ITIH2: variants seen among roughly 807,000 people sequenced by gnomAD.
ITIH2 encodes the protein inter-alpha-trypsin inhibitor heavy chain 2.
In ITIH2, 103 loss-of-function variants were observed where a neutral mutation model predicts 104.4. That is an observed-to-expected ratio of 0.99 (90% CI 0.84 to 1.16). The LOEUF is 1.16. Ranked by LOEUF, ITIH2 falls within the 50% of genes most tolerant of loss-of-function variation. The pLI, the probability that ITIH2 is intolerant of heterozygous loss-of-function variation, is 0.00. For missense variants in ITIH2, 1,108 were observed against 1,162.4 expected (o/e 0.95, Z 0.68); for synonymous variants, 436 against 435.4 (o/e 1.00, Z -0.02).
chr10:7,740,702 A>G lies in ITIH2; in HGVS notation c.2095+1944A>G, dbSNP rs1210844320. On this transcript the variant is annotated intron_variant, in intron 16 of 20. Coordinates refer to ENST00000358415, the MANE Select transcript of ITIH2 (RefSeq NM_002216.3). ...GGACTTCAAAGTTAGACAGTCCTGG[A>G]GACACATCTGCCCCATGACCTTGTC... Among the ~76,000 whole-genome samples the G allele has an allele frequency of 3.3e-5, 5 of 152,316 alleles. No individual in the cohort carries two copies. The East Asian group carries it at 9.6e-4, about 29-fold the overall frequency.
intron 4 of ITIH2, among the ~76,000 whole-genome samples, chr10:7,712,976 C>T (rs1176858890): frequency 6.6e-6 from 1 of 152,092 alleles, no homozygotes; most frequent in Non-Finnish European, 1.5e-5. Flanking sequence ...AAAAATTAGC[C>T]TGGCCTGGTG....
chr10:7,704,624 T>C (rs1260595058), intron 1 of ITIH2, among the ~76,000 whole-genome samples: 1 of 152,152 alleles, frequency 6.6e-6, no homozygotes, highest in Non-Finnish European at 1.5e-5. Context: ...GTCCAACAAA[T>C]GCGAAGGTGT....
intron 16 of ITIH2, among the ~76,000 whole-genome samples, chr10:7,742,691 C>G (rs1406987133): frequency 6.6e-6 from 1 of 152,138 alleles, no homozygotes; most frequent in Non-Finnish European, 1.5e-5. Flanking sequence ...CTGCAGTGAG[C>G]CATGATTGCA....
chr10:7,725,297 C>A (rs1172620825), intron 9 of ITIH2, among the ~76,000 whole-genome samples: 1 of 152,096 alleles, frequency 6.6e-6, no homozygotes, highest in Non-Finnish European at 1.5e-5. Flanking sequence ...TCTGAGGAGA[C>A]CCTGAGAAGG....
chr10:7,724,283 C>T (rs1834932163), intron 9 of ITIH2, among the ~76,000 whole-genome samples: 2 of 152,068 alleles, frequency 1.3e-5, no homozygotes, highest in South Asian at 4.2e-4. Flanking sequence ...AAAAGAAGTC[C>T]CTGTCAGCCA....
chr10:7,705,326 T>G, intron 2 of ITIH2, 144 bp downstream of exon 2: 1 of 661,196 alleles, frequency 1.5e-6, no homozygotes, highest in East Asian at 2.6e-5. Flanking sequence ...TACACCTTGG[T>G]GGAAGAGATC....
chr10:7,727,768 C>A lies in ITIH2; in HGVS notation c.1219C>A (p.Leu407Met), dbSNP rs776731372. The A allele has an allele frequency of 6.2e-7, 1 of 1,614,106 alleles. No homozygotes were observed. Among genetic ancestry groups the A allele is most frequent in the African/African-American group, 1.3e-5 (1 of 75,068 alleles). ...TTTGAATGAAGCCAATAACTTGGGA[C>A]TGTTAGACCCCAACTCCGTCTCGCT... ...FILNEANNLG[L>M]LDPNSVSLII... The change falls in exon 11 of 21, where the codon CTG becomes ATG. Residue 407 changes from leucine to methionine, a missense_variant. Physicochemically the swap from Leu to Met is conservative, Grantham distance 15. Coordinates refer to ENST00000358415, the MANE Select transcript of ITIH2 (RefSeq NM_002216.3).
chr10:7,738,342 G>A (rs1400969461), intron 15 of ITIH2, among the ~76,000 whole-genome samples: 3 of 139,524 alleles, frequency 2.2e-5, no homozygotes, highest in East Asian at 2.0e-4. Flanking sequence ...TTCGCTCCCC[G>A]GCCTGCACTG....
chr10:7,732,298 T>G, intron 13 of ITIH2, 40 bp from the exon 14 acceptor site: 1 of 1,591,398 alleles, frequency 6.3e-7, no homozygotes, highest in Non-Finnish European at 8.6e-7. Context: ...ACTATAATTC[T>G]GTTACCCAGT....
chr10:7,704,148 CTG>C (rs1277629094), intron 1 of ITIH2, among the ~76,000 whole-genome samples: 2 of 152,216 alleles, frequency 1.3e-5, no homozygotes, highest in East Asian at 1.9e-4. Context: ...GACTGAAAGT[CTG>C]TTTCTGAAAG....
intron 14 of ITIH2, among the ~76,000 whole-genome samples, chr10:7,734,239 A>G (rs1013611344): frequency 1.3e-5 from 2 of 152,174 alleles, no homozygotes; most frequent in African/African-American, 2.4e-5. Flanking sequence ...AGCTTCTTCC[A>G]TTGTAACAAA....
At chr10:7,710,204 T>A (rs1261217773) in intron 4 of ITIH2, among the ~76,000 whole-genome samples, 1 of 152,190 alleles carries the variant, frequency 6.6e-6, no homozygotes, top group Non-Finnish European at 1.5e-5. Context: ...TACAGACAAA[T>A]TAAGATTGGC....
intron 2 of ITIH2, among the ~76,000 whole-genome samples, chr10:7,706,363 A>G (rs1028669579): frequency 2.0e-5 from 3 of 152,132 alleles, no homozygotes; most frequent in African/African-American, 4.8e-5. Flanking sequence ...CAAACATTAC[A>G]TGTTCACCCA....
At chr10:7,727,165 A>AAATAATGCTTCTTAAGTG in intron 10 of ITIH2, 47 bp downstream of exon 10, 2 of 1,500,786 alleles carry the variant, frequency 1.3e-6, no homozygotes, top group Non-Finnish European at 1.8e-6. Flanking sequence ...CTCTGGGTTC[A>AAATAATGCTTCTTAAGTG]AATCATGATT....
At chr10:7,746,850 T>C in intron 20 of ITIH2, 146 bp downstream of exon 20, 1 of 584,780 alleles carries the variant, frequency 1.7e-6, no homozygotes, top group Non-Finnish European at 3.1e-6. Context: ...CACACAGCAT[T>C]CGCATAAGGA....
chr10:7,746,795 T>A, intron 20 of ITIH2, 91 bp downstream of exon 20: 1 of 761,666 alleles, frequency 1.3e-6, no homozygotes, highest in Admixed American at 2.1e-5. Flanking sequence ...AGAAGTGTCG[T>A]AGGCACTACC....
chr10:7,727,757 A>C lies in ITIH2; in HGVS notation c.1208A>C (p.Asn403Thr). Reference sequence around the variant, plus strand: ...GCAATCTTCATTTTGAATGAAGCCAATAACTTGGGACTGTTAGACCCCAAC... The same window carrying C: ...GCAATCTTCATTTTGAATGAAGCCACTAACTTGGGACTGTTAGACCCCAAC... Reference protein sequence around the residue: ...LRAIFILNEANNLGLLDPNSV... With the variant: ...LRAIFILNEATNLGLLDPNSV... The change falls in exon 11 of 21, where the codon AAT (asparagine) becomes ACT (threonine). Residue 403 changes from asparagine (N) to threonine (T), a missense_variant. Transcript: ENST00000358415. 6.2e-7 allele frequency: 1 copy of C among 1,614,134 alleles called. No homozygotes were observed. The highest frequency in any genetic ancestry group is 8.5e-7 in the Non-Finnish European group (1 of 1,179,958).
In ITIH2 at chr10:7,744,136, T is replaced by G. The variant is rs772178480; in HGVS notation, c.2264T>G (p.Leu755Arg). 2 of 1,614,126 alleles carry G rather than the reference T, an allele frequency of 1.2e-6. No homozygotes were observed. Among genetic ancestry groups the G allele is most frequent in the South Asian group, 2.2e-5 (2 of 91,076 alleles). The change falls in exon 18 of 21, where the codon CTA becomes CGA. Residue 755 changes from leucine (L) to arginine (R), a missense_variant. Coordinates refer to ENST00000358415, the MANE Select transcript of ITIH2 (RefSeq NM_002216.3). The part of the protein sequence containing the change: ...VGAKKPNNGK[L>R]STYFGKLGFY... ...GCCAAGAAGCCCAACAATGGAAAAC[T>G]AAGCACCTATTTTGGAAAACTGGGA...
At chr10:7,723,086 G>GGAGTA (rs1184296352) in intron 8 of ITIH2, among the ~76,000 whole-genome samples, 1 of 148,594 alleles carries the variant, frequency 6.7e-6, no homozygotes, top group Non-Finnish European at 1.5e-5. Flanking sequence ...GGCGTGGAGT[G>GGAGTA]GAGTAGAGTG....
Sources: gnomAD v4.1 joint callset for allele counts (sites outside exome capture counted in the v4.1 genomes callset) on GRCh38, gnomAD v4.1.1 for gene constraint, MANE v1.5 for transcripts, NCBI Gene and HGNC (gene_info 2026-07-23, HGNC 2026-07-21) for gene names.